POU4F3: variants seen among roughly 807,000 people sequenced by gnomAD.
The protein encoded by POU4F3 is POU class 4 homeobox 3, also known as POU domain, class 4, transcription factor 3.
Under a neutral mutation model 22.0 loss-of-function variants are expected in POU4F3, and 7 were observed. That is an observed-to-expected ratio of 0.32 (90% CI 0.18 to 0.60). POU4F3 has a LOEUF of 0.60. Ranked by LOEUF, POU4F3 falls within the 20% of genes least tolerant of loss-of-function variation. The pLI, the probability that POU4F3 is intolerant of heterozygous loss-of-function variation, is 0.85. For synonymous variants in POU4F3, 220 were observed against 194.5 expected, an observed-to-expected ratio of 1.13 and a Z score of -1.09; for missense variants, 457 against 467.4, an observed-to-expected ratio of 0.98 and a Z score of 0.21.
In POU4F3 at chr5:146,339,468, C is replaced by G; in HGVS notation, c.121-80C>G. The stretch of plus-strand genomic sequence containing the variant: ...TGACCTGGGCTTTGAGGAGAGGCAT[C>G]TCGGTTGCTTGAAAATGTGTTTTAA... On this transcript the variant is annotated intron_variant, in intron 1 of 1. Coordinates refer to ENST00000646991, the MANE Select transcript of POU4F3 (RefSeq NM_002700.3). The surrounding 1 kb of genome is among the most constrained non-coding windows in gnomAD (Gnocchi z 4.7). The G allele has an allele frequency of 4.4e-6, 7 of 1,582,178 alleles. No homozygotes were observed. The highest frequency in any genetic ancestry group is 5.2e-6 in the Non-Finnish European group (6 of 1,153,432).
Position 146,339,745 on chromosome 5 carries a change from C to T in POU4F3, c.318C>T (p.His106=), listed in dbSNP as rs746820726. ...PISHPAALTS[H]PHHAVHQGLE... ...CCCACCCAGCTGCGCTCACCTCACA[C>T]CCTCACCACGCCGTGCACCAGGGCC... Residue 106 remains histidine, a synonymous_variant, in exon 2 of 2, where the codon CAC becomes CAT. Coordinates refer to ENST00000646991, the MANE Select transcript of POU4F3 (RefSeq NM_002700.3). This position sits in a 1 kb window ranked among gnomAD's most constrained non-coding sequence, Gnocchi z 4.7. 1.2e-6 allele frequency: 2 copies of T among 1,613,834 alleles called. No individual in the cohort carries two copies. The highest frequency in any genetic ancestry group is 1.7e-5 in the Admixed American group (1 of 60,014).
Position 146,339,025 on chromosome 5 carries a change from G to A in POU4F3, c.-88G>A, listed in dbSNP as rs1433104699. On this transcript the variant is annotated 5_prime_UTR_variant, in exon 1 of 2. Coordinates refer to ENST00000646991, the MANE Select transcript of POU4F3 (RefSeq NM_002700.3). The surrounding 1 kb of genome is among the most constrained non-coding windows in gnomAD (Gnocchi z 4.7). ...GCGAGAGGGCGAGGGGAGCGCGGGC[G>A]CTGAGCAGCGCTCACTTGGAGAGCG... 6.4e-7 allele frequency: 1 copy of A among 1,571,834 alleles called. No individual in the cohort carries two copies. Among genetic ancestry groups the A allele is most frequent in the Non-Finnish European group, 8.7e-7 (1 of 1,155,718 alleles).
chr5:146,340,672 G>T lies in POU4F3; in HGVS notation c.*228G>T. 8.1e-6 allele frequency: 5 copies of T among 616,204 alleles called. No homozygotes were observed. The highest frequency in any genetic ancestry group is 1.4e-5 in the Non-Finnish European group (5 of 352,886). The allele number at this position is 616,204 out of a possible 1,614,324, so 38.2% of individuals were successfully genotyped here. ...GGCGCTGGGAAAATATTGCAGAAGGGCGGGCCTGAGTGTACTTGTGCTGTC... is the reference window on the plus strand; with the variant it reads ...GGCGCTGGGAAAATATTGCAGAAGGTCGGGCCTGAGTGTACTTGTGCTGTC... On this transcript the variant is annotated 3_prime_UTR_variant, in exon 2 of 2. Coordinates refer to ENST00000646991, the MANE Select transcript of POU4F3 (RefSeq NM_002700.3).
rs1193074376 is a variant in POU4F3 at position 146,339,407 on chromosome 5, G to A, written c.121-141G>A. ...ATTCATGTCTCTGATCCACACGTCT[G>A]TTCCAGCAGAGCCGCTGCCTCCGTA... On this transcript the variant is annotated intron_variant, in intron 1 of 1. Coordinates refer to ENST00000646991, the MANE Select transcript of POU4F3 (RefSeq NM_002700.3). The surrounding 1 kb of genome is among the most constrained non-coding windows in gnomAD (Gnocchi z 4.7). 4 of 1,483,040 alleles carry A rather than the reference G, an allele frequency of 2.7e-6. No homozygotes were observed. The highest frequency in any genetic ancestry group is 3.7e-6 in the Non-Finnish European group (4 of 1,076,190). 91.9% of individuals were successfully genotyped at this position (1,483,040 alleles called of 1,614,324 possible). A position where few individuals can be genotyped will look rare whatever the true frequency, so the allele number is the denominator to read the frequency against.
Position 146,338,933 on chromosome 5 carries a change from G to C in POU4F3, c.-180G>C. On this transcript the variant is annotated 5_prime_UTR_variant, in exon 1 of 2. Coordinates refer to ENST00000646991, the MANE Select transcript of POU4F3 (RefSeq NM_002700.3). ...CGCGTGAGCACGCCTGCGCGCGCCC[G>C]GGCCCTTCCTGGCAGGCTGCTTGTA... The C allele has an allele frequency of 5.8e-6, 6 of 1,041,148 alleles. No individual in the cohort carries two copies. Among genetic ancestry groups the C allele is most frequent in the Middle Eastern group, 3.0e-4 (1 of 3,372 alleles). The allele number at this position is 1,041,148 out of a possible 1,614,324, so 64.5% of individuals were successfully genotyped here. A position where few individuals can be genotyped will look rare whatever the true frequency, so the allele number is the denominator to read the frequency against.
Position 146,340,562 on chromosome 5 carries a change from G to A in POU4F3, c.*118G>A. The A allele has an allele frequency of 7.5e-7, 1 of 1,325,800 alleles. No homozygotes were observed. The allele number at this position is 1,325,800 out of a possible 1,614,324, so 82.1% of individuals were successfully genotyped here. A position where few individuals can be genotyped will look rare whatever the true frequency, so the allele number is the denominator to read the frequency against. The stretch of plus-strand genomic sequence containing the variant: ...CTAGGCAGGTTAGGCTCTCTCCTCC[G>A]AAGCCACAGACTTTCCCCCTTTGTC... On this transcript the variant is annotated 3_prime_UTR_variant, in exon 2 of 2. Coordinates refer to ENST00000646991, the MANE Select transcript of POU4F3 (RefSeq NM_002700.3).
In POU4F3 at chr5:146,339,953, T is replaced by C; in HGVS notation, c.526T>C (p.Cys176Arg). 6.2e-7 allele frequency: 1 copy of C among 1,611,498 alleles called. No homozygotes were observed. Among genetic ancestry groups the C allele is most frequent in the Non-Finnish European group, 8.5e-7 (1 of 1,179,920 alleles). ...GGCCCCTCATAGCGCCATGCCTGCATGCCTCAGCGACGTGGAGTCAGACCC... is the reference window on the plus strand; with the variant it reads ...GGCCCCTCATAGCGCCATGCCTGCACGCCTCAGCGACGTGGAGTCAGACCC... ...TVAPHSAMPA[C>R]LSDVESDPRE... Residue 176 changes from cysteine (C) to arginine (R), a missense_variant, in exon 2 of 2, where the codon TGC (cysteine) becomes CGC (arginine). Transcript: ENST00000646991. The surrounding 1 kb of genome is among the most constrained non-coding windows in gnomAD (Gnocchi z 4.7).
rs1392461829 is a variant in POU4F3 at position 146,340,084 on chromosome 5, C to A, written c.657C>A (p.Gly219=). 3 of 1,614,092 alleles carry A rather than the reference C, an allele frequency of 1.9e-6. No individual in the cohort carries two copies. The South Asian group carries it at 3.3e-5, about 18-fold the overall frequency. ...GAALANLKIP[G]VGSLSQSTIC... ...CTCTGGCTAATCTCAAGATCCCCGG[C>A]GTGGGCTCGCTGAGCCAAAGCACCA... Residue 219 remains glycine (G), a synonymous_variant, in exon 2 of 2, where the codon GGC becomes GGA. Coordinates refer to ENST00000646991, the MANE Select transcript of POU4F3 (RefSeq NM_002700.3).
At position 146,340,734 on chromosome 5, in the gene POU4F3, C is replaced by A. The variant is rs944588018; in HGVS notation, c.*290C>A. Reference sequence around the variant, plus strand: ...AATTTGCCCTCGCGCAGGGGCCGCACGACTTCAGAGCAGGAGCCCCAAAGC... The same window carrying A: ...AATTTGCCCTCGCGCAGGGGCCGCAAGACTTCAGAGCAGGAGCCCCAAAGC... On this transcript the variant is annotated 3_prime_UTR_variant, in exon 2 of 2. Transcript: ENST00000646991. The A allele has an allele frequency of 5.1e-5, 25 of 488,982 alleles. No homozygotes were observed. The highest frequency in any genetic ancestry group is 4.7e-4 in the African/African-American group (24 of 51,446). 30.3% of individuals were successfully genotyped at this position (488,982 alleles called of 1,614,324 possible).
Position 146,340,384 on chromosome 5 carries a change from A to G in POU4F3, c.957A>G (p.Arg319=). 6.2e-7 allele frequency: 1 copy of G among 1,614,238 alleles called. No homozygotes were observed. The highest frequency in any genetic ancestry group is 8.5e-7 in the Non-Finnish European group (1 of 1,180,040). Residue 319 remains arginine (R), a synonymous_variant, in exon 2 of 2, where the codon AGA becomes AGG. Transcript: ENST00000646991. ...EKLDLKKNVV[R]VWFCNQRQKQ... is the part of the protein sequence containing the mutation. The stretch of plus-strand genomic sequence containing the variant: ...TGGACCTTAAAAAGAACGTGGTGAG[A>G]GTCTGGTTCTGCAACCAGAGACAGA...
rs1388029307 is a variant in POU4F3 at position 146,340,348 on chromosome 5, C to A, written c.921C>A (p.Ile307=). 3 of 1,614,114 alleles carry A rather than the reference C, an allele frequency of 1.9e-6. No homozygotes were observed. Among genetic ancestry groups the A allele is most frequent in the African/African-American group, 1.3e-5 (1 of 74,934 alleles). Residue 307 remains isoleucine (I), a synonymous_variant, in exon 2 of 2, where the codon ATC becomes ATA. Coordinates refer to ENST00000646991, the MANE Select transcript of POU4F3 (RefSeq NM_002700.3). ...CTTCATCTGAGAAGATCGCGGCCATCGCTGAGAAACTGGACCTTAAAAAGA... is the reference window on the plus strand; with the variant it reads ...CTTCATCTGAGAAGATCGCGGCCATAGCTGAGAAACTGGACCTTAAAAAGA... The part of the protein sequence containing the change: ...PRPSSEKIAA[I]AEKLDLKKNV...
rs367737951 is a variant in POU4F3 at position 146,339,918 on chromosome 5, C to G, written c.491C>G (p.Pro164Arg). ...HLHQAMGMSH[P>R]HTVAPHSAMP... is the part of the protein sequence containing the mutation. ...CACCAGGCCATGGGCATGAGTCACC[C>G]GCACACCGTGGCCCCTCATAGCGCC... The change falls in exon 2 of 2, where the codon CCG (proline) becomes CGG (arginine). Residue 164 changes from proline (P) to arginine (R), a missense_variant. Physicochemically the swap from Pro to Arg is moderately radical, Grantham distance 103. Coordinates refer to ENST00000646991, the MANE Select transcript of POU4F3 (RefSeq NM_002700.3). This position sits in a 1 kb window ranked among gnomAD's most constrained non-coding sequence, Gnocchi z 4.7. 33 of 1,609,854 alleles carry G rather than the reference C, an allele frequency of 2.0e-5. No individual in the cohort carries two copies. In the East Asian group the frequency reaches 6.0e-4, roughly 29 times the overall value.
In POU4F3 at chr5:146,339,872, C is replaced by T. The variant is rs1185826935; in HGVS notation, c.445C>T (p.Leu149=). Residue 149 remains leucine, a synonymous_variant, in exon 2 of 2, where the codon CTG becomes TTG. Coordinates refer to ENST00000646991, the MANE Select transcript of POU4F3 (RefSeq NM_002700.3). The surrounding 1 kb of genome is among the most constrained non-coding windows in gnomAD (Gnocchi z 4.7). ...GCCCGCACAGATCCATCCACACCAC[C>T]TGGGCGCCATGGGCCACCTGCACCA... ...VMPAQIHPHH[L]GAMGHLHQAM... The T allele has an allele frequency of 5.0e-6, 8 of 1,608,348 alleles. No individual in the cohort carries two copies. Among genetic ancestry groups the T allele is most frequent in the Admixed American group, 3.3e-5 (2 of 60,006 alleles).
Position 146,340,517 on chromosome 5 carries a change from C to T in POU4F3, c.*73C>T. 1 of 1,589,360 alleles carries T rather than the reference C, an allele frequency of 6.3e-7. No homozygotes were observed. The highest frequency in any genetic ancestry group is 8.6e-7 in the Non-Finnish European group (1 of 1,164,924). On this transcript the variant is annotated 3_prime_UTR_variant, in exon 2 of 2. Coordinates refer to ENST00000646991, the MANE Select transcript of POU4F3 (RefSeq NM_002700.3). ...CCTCCCGGGTTCGGGGGATGGTTAT[C>T]GGGAACTCCAAGGCGTTTCCTAGGC...
rs891085941 is a variant in POU4F3, at chr5:146,341,584, T to A, written c.*1140T>A. ...CCCTCTAGCCCAAATTTTATTTTAT[T>A]TTTTCGTTGTTTCATGTAGTTTGTG... On this transcript the variant is annotated 3_prime_UTR_variant, in exon 2 of 2. Coordinates refer to ENST00000646991, the MANE Select transcript of POU4F3 (RefSeq NM_002700.3). 6.6e-6 allele frequency: 1 copy of A among 152,230 alleles called. No homozygotes were observed. The highest frequency in any genetic ancestry group is 1.5e-5 in the Non-Finnish European group (1 of 68,054). 9.4% of individuals were successfully genotyped at this position (152,230 alleles called of 1,614,324 possible). A position where few individuals can be genotyped will look rare whatever the true frequency, so the allele number is the denominator to read the frequency against.
Position 146,339,789 on chromosome 5 carries a change from A to G in POU4F3, c.362A>G (p.Glu121Gly). ...VHQGLEGDLL[E>G]HISPTLSVSG... ...CAGGGCCTCGAAGGCGACCTGCTGG[A>G]GCACATCTCGCCCACGCTGAGTGTG... The change falls in exon 2 of 2, where the codon GAG becomes GGG. Residue 121 changes from glutamate to glycine, a missense_variant. Glu to Gly is a moderately conservative substitution (Grantham distance 98). Around this residue, in one of 2 missense-constraint regions of POU4F3, gnomAD observed 410 missense variants for 385.0 expected, o/e 1.06. Coordinates refer to ENST00000646991, the MANE Select transcript of POU4F3 (RefSeq NM_002700.3). The surrounding 1 kb of genome is among the most constrained non-coding windows in gnomAD (Gnocchi z 4.7). 3 of 1,612,100 alleles carry G rather than the reference A, an allele frequency of 1.9e-6. No homozygotes were observed. Among genetic ancestry groups the G allele is most frequent in the Non-Finnish European group, 2.5e-6 (3 of 1,179,938 alleles).
At position 146,339,576 on chromosome 5, in the gene POU4F3, A is replaced by G. The variant is rs1299976035; in HGVS notation, c.149A>G (p.Asp50Gly). 6.2e-7 allele frequency: 1 copy of G among 1,614,130 alleles called. No homozygotes were observed. The highest frequency in any genetic ancestry group is 8.5e-7 in the Non-Finnish European group (1 of 1,180,028). ...QLQGNIFGSFDESLLARAEAL... is the reference protein window; with the variant it reads ...QLQGNIFGSFGESLLARAEAL... ...CAGGGTAATATATTTGGAAGCTTTG[A>G]TGAGAGCCTGCTGGCACGCGCCGAA... The change falls in exon 2 of 2, where the codon GAT (aspartate) becomes GGT (glycine). Residue 50 changes from aspartate to glycine, a missense_variant. Around this residue, in one of 2 missense-constraint regions of POU4F3, gnomAD observed 410 missense variants for 385.0 expected, o/e 1.06. Coordinates refer to ENST00000646991, the MANE Select transcript of POU4F3 (RefSeq NM_002700.3). This position sits in a 1 kb window ranked among gnomAD's most constrained non-coding sequence, Gnocchi z 4.7.
In POU4F3 at chr5:146,340,477, A is replaced by G; in HGVS notation, c.*33A>G. 1 of 1,612,494 alleles carries G rather than the reference A, an allele frequency of 6.2e-7. No homozygotes were observed. Among genetic ancestry groups the G allele is most frequent in the Non-Finnish European group, 8.5e-7 (1 of 1,179,808 alleles). ...AGGGCGCAGCGTCGGGAGCCGGGAG[A>G]GCCTAGTGCTCATCCCTCCCGGGTT... is the stretch of plus-strand genomic sequence containing the variant. On this transcript the variant is annotated 3_prime_UTR_variant, in exon 2 of 2. Coordinates refer to ENST00000646991, the MANE Select transcript of POU4F3 (RefSeq NM_002700.3).
In POU4F3 at chr5:146,340,419, G is replaced by C; in HGVS notation, c.992G>C (p.Arg331Pro). ...TGCAACCAGAGACAGAAACAGAAAC[G>C]AATGAAGTATTCGGCTGTCCACTGA... The part of the protein sequence containing the change: ...WFCNQRQKQK[R>P]MKYSAVH Residue 331 changes from arginine to proline, a missense_variant, in exon 2 of 2, where the codon CGA (arginine) becomes CCA (proline). Physicochemically the swap from Arg to Pro is moderately radical, Grantham distance 103 (BLOSUM62 -2). Around this residue, in one of 2 missense-constraint regions of POU4F3, gnomAD observed 47 missense variants for 82.4 expected, o/e 0.57. Transcript: ENST00000646991. The C allele has an allele frequency of 6.2e-7, 1 of 1,614,242 alleles. No individual in the cohort carries two copies. The highest frequency in any genetic ancestry group is 8.5e-7 in the Non-Finnish European group (1 of 1,180,048).
Sources: gnomAD v4.1 joint callset for allele counts on GRCh38, gnomAD v4.1.1 for gene constraint, gnomAD v4.1.1 regional missense constraint, Gnocchi (gnomAD v3.1) non-coding constraint, MANE v1.5 for transcripts, NCBI Gene and HGNC (gene_info 2026-07-23, HGNC 2026-07-21) for gene names.